The following TRPM8 variants were observed in gnomAD, a reference collection of about 807,000 sequenced individuals.
TRPM8 encodes TRPM8 cationic channel.
A neutral mutation model predicts 133.7 loss-of-function variants in TRPM8; 110 were observed. That is an observed-to-expected ratio of 0.82 (90% CI 0.70 to 0.96). The LOEUF (loss-of-function observed/expected upper bound fraction) is 0.96, where lower values mean the gene tolerates loss of function less well. TRPM8 is among the 40% of genes least tolerant of loss of function. TRPM8 has a pLI of 0.00. For missense variants in TRPM8, 1,291 were observed against 1,379.5 expected (o/e 0.94, Z 1.02); for synonymous variants, 535 against 532.3 (o/e 1.01, Z -0.07).
intron 20 of TRPM8, among the ~76,000 whole-genome samples, chr2:233,985,459 T>A (rs1182804264): frequency 6.7e-6 from 1 of 150,264 alleles, no homozygotes; most frequent in Non-Finnish European, 1.5e-5. Flanking sequence ...TGGCCCTTCC[T>A]TTTATCTTGA....
intron 20 of TRPM8, 42 bp from the exon 21 acceptor site, chr2:233,985,645 TC>T: frequency 1.3e-6 from 2 of 1,595,942 alleles, no homozygotes; most frequent in Non-Finnish European, 8.6e-7. Context: ...CTCTCACCCC[TC>T]CAGAGGGTCC....
chr2:233,939,779 C>G (rs1228753682), intron 5 of TRPM8, among the ~76,000 whole-genome samples: 2 of 152,184 alleles, frequency 1.3e-5, no homozygotes, highest in Non-Finnish European at 2.9e-5. Flanking sequence ...TCAACTTGTT[C>G]CATAAATATC....
intron 5 of TRPM8, among the ~76,000 whole-genome samples, chr2:233,939,381 C>G (rs1228451777): frequency 6.6e-6 from 1 of 152,204 alleles, no homozygotes; most frequent in Non-Finnish European, 1.5e-5. Flanking sequence ...CACAGTAACT[C>G]TAAATCAGCG....
At chr2:233,977,210 G>A (rs1265607664) in intron 17 of TRPM8, among the ~76,000 whole-genome samples, 5 of 152,060 alleles carry the variant, frequency 3.3e-5, no homozygotes, top group East Asian at 1.9e-4. Context: ...CATTGGGGAT[G>A]TTTATTTAAA....
At position 234,012,862 on chromosome 2, in the gene TRPM8, A is replaced by G. The variant is rs563577687; in HGVS notation, c.3265-1700A>G. ...GAATTTTGTCAACTACTTTTTCTGTATCTATTGAGATGATCATGTGGTTTT... is the reference window on the plus strand; with the variant it reads ...GAATTTTGTCAACTACTTTTTCTGTGTCTATTGAGATGATCATGTGGTTTT... On this transcript the variant is annotated intron_variant, in intron 24 of 25. Coordinates refer to ENST00000324695, the MANE Select transcript of TRPM8 (RefSeq NM_024080.5). Among the ~76,000 whole-genome samples, 23 of 151,180 alleles carry G rather than the reference A, an allele frequency of 1.5e-4. 1 individual carries two copies. In the South Asian group the frequency reaches 4.6e-3, roughly 30 times the overall value.
Position 233,960,973 on chromosome 2 carries a change from C to A in TRPM8, c.1560C>A (p.Leu520=). The A allele has an allele frequency of 6.2e-7, 1 of 1,614,152 alleles. No homozygotes were observed. Among genetic ancestry groups the A allele is most frequent in the East Asian group, 2.2e-5 (1 of 44,868 alleles). Residue 520 remains leucine (L), a synonymous_variant, in exon 12 of 26, where the codon CTC becomes CTA. Coordinates refer to ENST00000324695, the MANE Select transcript of TRPM8 (RefSeq NM_024080.5). ...CCAAGAATTCCTATAATGATGCCCT[C>A]CTCACGTTTGTCTGGAAACTGGTTG... The part of the protein sequence containing the change: ...QIAKNSYNDA[L]LTFVWKLVAN...
chr2:233,943,189 C>T (rs1690955245), intron 6 of TRPM8, among the ~76,000 whole-genome samples: 1 of 150,630 alleles, frequency 6.6e-6, no homozygotes, highest in Admixed American at 6.6e-5. Context: ...ATACATGTGC[C>T]ATGTTGGTGT....
intron 1 of TRPM8, among the ~76,000 whole-genome samples, chr2:233,923,455 C>T (rs1001039801): frequency 2.0e-5 from 3 of 152,162 alleles, no homozygotes; most frequent in Non-Finnish European, 4.4e-5. Flanking sequence ...GGTTTTCCCT[C>T]CTTGGTGGGG....
chr2:234,006,883 C>A lies in TRPM8; in HGVS notation c.3161C>A (p.Ala1054Glu). ...CFKNEDNETL[A>E]WEGVMKENYL... ...AAAAATGAAGACAATGAGACTCTGG[C>A]ATGGGAGGGTGTCATGAAGGAAAAC... The change falls in exon 23 of 26, where the codon GCA (alanine) becomes GAA (glutamate). Residue 1054 changes from alanine (A) to glutamate (E), a missense_variant. Around this residue, in one of 2 missense-constraint regions of TRPM8, gnomAD observed 328 missense variants for 410.6 expected, o/e 0.80. Coordinates refer to ENST00000324695, the MANE Select transcript of TRPM8 (RefSeq NM_024080.5). The A allele has an allele frequency of 1.2e-6, 2 of 1,613,772 alleles. No homozygotes were observed. Among genetic ancestry groups the A allele is most frequent in the Non-Finnish European group, 1.7e-6 (2 of 1,179,732 alleles).
At chr2:233,917,631 C>A (rs1234235198) in intron 1 of TRPM8, among the ~76,000 whole-genome samples, 199 bp downstream of exon 1, 1 of 152,142 alleles carries the variant, frequency 6.6e-6, no homozygotes, top group Non-Finnish European at 1.5e-5. Context: ...TATATCTAAT[C>A]CTCACTTAGA....
chr2:233,964,567 A>T, intron 13 of TRPM8, 61 bp from the exon 14 acceptor site: 7 of 1,325,514 alleles, frequency 5.3e-6, no homozygotes, highest in Non-Finnish European at 6.9e-6. Flanking sequence ...AAAAAAAAAA[A>T]AAAAAAAAAA....
rs67315288 is a variant in TRPM8 at position 233,943,067 on chromosome 2, C to CTT, written c.699+338_699+339dup. Reference sequence around the variant, plus strand: ...GCGGGCTCAAAGCCAACTGCAGTATCTTTTTTTTTTTTTTTTTTTTACACC... The same window carrying CTT: ...GCGGGCTCAAAGCCAACTGCAGTATCTTTTTTTTTTTTTTTTTTTTTTACACC... On this transcript the variant is annotated intron_variant, in intron 6 of 25. Coordinates refer to ENST00000324695, the MANE Select transcript of TRPM8 (RefSeq NM_024080.5). 5.4e-3 allele frequency: 966 copies of CTT among 178,322 alleles called. 6 individuals carry two copies. The highest frequency in any genetic ancestry group is 0.013 in the South Asian group (138 of 10,810). 11.0% of individuals were successfully genotyped at this position (178,322 alleles called of 1,614,324 possible).
At chr2:233,936,101 G>A (rs572144322) in intron 3 of TRPM8, among the ~76,000 whole-genome samples, 1 of 152,208 alleles carries the variant, frequency 6.6e-6, no homozygotes, top group African/African-American at 2.4e-5. Flanking sequence ...AACCCTCATG[G>A]CAAGCCTGAC....
chr2:233,994,598 C>T (rs1159515205), intron 21 of TRPM8, among the ~76,000 whole-genome samples: 2 of 152,122 alleles, frequency 1.3e-5, no homozygotes, highest in East Asian at 1.9e-4. Context: ...GTGTTCCATT[C>T]GTCATTAAAC....
rs1250359672 is a variant in TRPM8, at chr2:234,019,231, A to G, written c.*1975A>G. ...GATGCCTTTTTACTTAAACACCAAG[A>G]CAGAAAACTTGCCCAATACTGAGAA... On this transcript the variant is annotated 3_prime_UTR_variant, in exon 26 of 26. Coordinates refer to ENST00000324695, the MANE Select transcript of TRPM8 (RefSeq NM_024080.5). 2.6e-5 allele frequency: 4 copies of G among 152,214 alleles called. No homozygotes were observed. The highest frequency in any genetic ancestry group is 5.9e-5 in the Non-Finnish European group (4 of 68,034). 9.4% of individuals were successfully genotyped at this position (152,214 alleles called of 1,614,324 possible). A position where few individuals can be genotyped will look rare whatever the true frequency, so the allele number is the denominator to read the frequency against.
intron 17 of TRPM8, among the ~76,000 whole-genome samples, chr2:233,971,435 A>T (rs1267667977): frequency 6.6e-6 from 1 of 152,140 alleles, no homozygotes; most frequent in Non-Finnish European, 1.5e-5. Context: ...GATGTCTGCC[A>T]TGGGTATGAC....
At chr2:233,930,977 G>T (rs192753812) in intron 3 of TRPM8, among the ~76,000 whole-genome samples, 3 of 152,340 alleles carry the variant, frequency 2.0e-5, no homozygotes. Flanking sequence ...CGTTGAGGGA[G>T]GCTGTCACTC....
chr2:233,952,638 G>A (rs1309525851), intron 9 of TRPM8, among the ~76,000 whole-genome samples: 1 of 151,742 alleles, frequency 6.6e-6, no homozygotes, highest in Admixed American at 6.6e-5. Flanking sequence ...CAAGTGTAAT[G>A]GGATATCATT....
In TRPM8 at chr2:233,980,169, T is replaced by C; in HGVS notation, c.2356-19T>C. On this transcript the variant is annotated intron_variant, in intron 17 of 25. Transcript: ENST00000324695. ...TTTCCAAGCTGCTGATGTCCCTCTC[T>C]GTCCCTTTCTGTACGCAGTGGTACG... 1 of 1,533,940 alleles carries C rather than the reference T, an allele frequency of 6.5e-7. No individual in the cohort carries two copies. Among genetic ancestry groups the C allele is most frequent in the Non-Finnish European group, 9.0e-7 (1 of 1,116,334 alleles).
Sources: gnomAD v4.1 joint callset for allele counts (sites outside exome capture counted in the v4.1 genomes callset) on GRCh38, gnomAD v4.1.1 for gene constraint, gnomAD v4.1.1 regional missense constraint, MANE v1.5 for transcripts, NCBI Gene and HGNC (gene_info 2026-07-23, HGNC 2026-07-21) for gene names.